The following NR2F1-AS1 variants were observed in gnomAD, a reference collection of about 807,000 sequenced individuals.
NR2F1-AS1 encodes the protein NR2F1 regulatory antisense RNA 1.
chr5:93,411,483 T>C (rs1748854621), intron 4 of NR2F1-AS1: 1 of 152,246 alleles, frequency 6.6e-6, no homozygotes, highest in Admixed American at 6.5e-5. Context: ...TCAGTGGCTA[T>C]CTGTCCCAGT....
At chr5:93,498,986 T>C (rs558122800) in intron 4 of NR2F1-AS1, among the ~76,000 whole-genome samples, 37 of 152,100 alleles carry the variant, frequency 2.4e-4, no homozygotes, top group Non-Finnish European at 3.7e-4. Flanking sequence ...TATTTTGATT[T>C]AGAGAAAAAA....
chr5:93,565,786 T>C (rs1032171211), intron 1 of NR2F1-AS1, among the ~76,000 whole-genome samples: 4 of 151,760 alleles, frequency 2.6e-5, no homozygotes, highest in African/African-American at 7.3e-5. Context: ...AAGGTAAATA[T>C]CACTGTGTCC....
chr5:93,499,335 C>T (rs1045444619), intron 4 of NR2F1-AS1, among the ~76,000 whole-genome samples: 4 of 152,126 alleles, frequency 2.6e-5, no homozygotes, highest in African/African-American at 9.7e-5. Flanking sequence ...AGATTTGTGG[C>T]AACCCTGCAT....
At chr5:93,488,730 C>T (rs1037121810) in intron 4 of NR2F1-AS1, among the ~76,000 whole-genome samples, 5 of 152,186 alleles carry the variant, frequency 3.3e-5, no homozygotes, top group African/African-American at 1.2e-4. Flanking sequence ...TCATTTGACC[C>T]AGCAATCCCA....
intron 4 of NR2F1-AS1, among the ~76,000 whole-genome samples, chr5:93,540,937 G>A (rs1479080028): frequency 6.6e-6 from 1 of 152,178 alleles, no homozygotes; most frequent in Non-Finnish European, 1.5e-5. Flanking sequence ...TGGTTTGATA[G>A]AAGAAAATGA....
chr5:93,517,577 A>T (rs919956892), intron 4 of NR2F1-AS1, among the ~76,000 whole-genome samples: 1 of 152,034 alleles, frequency 6.6e-6, no homozygotes, highest in African/African-American at 2.4e-5. Context: ...TCAGACTAAA[A>T]AATATAACTA....
intron 4 of NR2F1-AS1, among the ~76,000 whole-genome samples, chr5:93,442,326 C>A (rs186911634): frequency 6.6e-6 from 1 of 152,300 alleles, no homozygotes; most frequent in Admixed American, 6.5e-5. Context: ...CCTGGAAAAT[C>A]GGGACACCCT....
intron 3 of NR2F1-AS1, chr5:93,554,846 T>C (rs1028687216): frequency 2.1e-4 from 32 of 152,192 alleles, no homozygotes; most frequent in Admixed American, 6.6e-4. Context: ...ACAGGAAGGA[T>C]GATGTGGAAA....
At position 93,548,045 on chromosome 5, in the gene NR2F1-AS1, C is replaced by G. The variant is rs575702196; in HGVS notation, n.638+5716G>C. On this transcript the variant is annotated intron_variant and non_coding_transcript_variant, in intron 4 of 5. Coordinates refer to ENST00000660523, the Ensembl canonical transcript of NR2F1-AS1. ...GGCAGATTTTATTTATACTGGACAT[C>G]CTGACCACTTTACACACTTACTTAG... Among the ~76,000 whole-genome samples the G allele has an allele frequency of 2.6e-5, 4 of 152,230 alleles. No homozygotes were observed. In the East Asian group the frequency reaches 5.8e-4, roughly 22 times the overall value.
At chr5:93,463,778 G>A (rs1047637131) in intron 4 of NR2F1-AS1, among the ~76,000 whole-genome samples, 4 of 152,208 alleles carry the variant, frequency 2.6e-5, no homozygotes, top group Non-Finnish European at 5.9e-5. Flanking sequence ...TTTCAGACTT[G>A]CATGTGGTCT....
At chr5:93,527,855 A>G (rs1434568638) in intron 4 of NR2F1-AS1, among the ~76,000 whole-genome samples, 1 of 152,212 alleles carries the variant, frequency 6.6e-6, no homozygotes, top group East Asian at 1.9e-4. Context: ...CTCAACATGG[A>G]TTAAAGACTT....
At chr5:93,583,058 G>A (rs780682374), upstream of NR2F1-AS1, among the ~76,000 whole-genome samples, 3 of 152,052 alleles carry the variant, frequency 2.0e-5, no homozygotes, top group Non-Finnish European at 4.4e-5. Flanking sequence ...CCCGATTCAG[G>A]GCTCTGACCA....
upstream of NR2F1-AS1, among the ~76,000 whole-genome samples, chr5:93,582,556 A>C (rs1753127571): frequency 2.6e-5 from 4 of 152,208 alleles, no homozygotes; most frequent in Admixed American, 2.6e-4. Context: ...AACAATCCAA[A>C]TCCAGTATAT....
At chr5:93,515,605 A>G (rs781254403) in intron 4 of NR2F1-AS1, among the ~76,000 whole-genome samples, 1 of 151,906 alleles carries the variant, frequency 6.6e-6, no homozygotes, top group Non-Finnish European at 1.5e-5. Context: ...TATCCTCAAC[A>G]TCTAGCATAG....
At chr5:93,546,820 T>C (rs1752099029) in intron 4 of NR2F1-AS1, among the ~76,000 whole-genome samples, 1 of 152,238 alleles carries the variant, frequency 6.6e-6, no homozygotes, top group Non-Finnish European at 1.5e-5. Flanking sequence ...TTGGCTATGC[T>C]ATAGTACTCA....
At chr5:93,490,512 T>C (rs1750813709) in intron 4 of NR2F1-AS1, among the ~76,000 whole-genome samples, 1 of 145,818 alleles carries the variant, frequency 6.9e-6, no homozygotes, top group African/African-American at 2.6e-5. Flanking sequence ...GTAATGGTGG[T>C]GTTGATGGTC....
At chr5:93,545,428 T>A (rs927102112) in intron 4 of NR2F1-AS1, among the ~76,000 whole-genome samples, 1 of 152,244 alleles carries the variant, frequency 6.6e-6, no homozygotes, top group African/African-American at 2.4e-5. Flanking sequence ...ATTAAGTATC[T>A]CTGTAACTAT....
chr5:93,517,770 T>G lies in NR2F1-AS1; in HGVS notation n.638+35991A>C, dbSNP rs1351452433. 2.0e-5 allele frequency among the ~76,000 whole-genome samples: 3 copies of G among 152,236 alleles called. No individual in the cohort carries two copies. The East Asian group carries it at 5.8e-4, about 29-fold the overall frequency. On this transcript the variant is annotated intron_variant and non_coding_transcript_variant, in intron 4 of 5. Coordinates refer to ENST00000660523, the Ensembl canonical transcript of NR2F1-AS1. ...TAACTAATCACATTTATTTATATTC[T>G]TATCAGAAGAGTTGAATGATATAAA...
chr5:93,509,650 A>G (rs1751255948), intron 4 of NR2F1-AS1, among the ~76,000 whole-genome samples: 1 of 152,032 alleles, frequency 6.6e-6, no homozygotes, highest in African/African-American at 2.4e-5. Flanking sequence ...TTTACAACAA[A>G]AATAAATATA....
Sources: allele counts gnomAD v4.1 joint callset (sites outside exome capture counted in the v4.1 genomes callset), GRCh38; gene constraint gnomAD v4.1.1; transcripts MANE v1.5; gene names NCBI Gene and HGNC (gene_info 2026-07-23, HGNC 2026-07-21).